The following ZNF385D variants were observed in gnomAD, a reference collection of about 807,000 sequenced individuals.
ZNF385D encodes the protein zinc finger protein 385D.
Under a neutral mutation model 35.8 loss-of-function variants are expected in ZNF385D, and 15 were observed. The ratio of observed to expected loss-of-function variants is 0.42; its 90% CI spans 0.28 to 0.64. The LOEUF (loss-of-function observed/expected upper bound fraction) is 0.64, where lower values mean the gene tolerates loss of function less well. Ranked by LOEUF, ZNF385D falls within the 30% of genes least tolerant of loss-of-function variation. The pLI is 0.23. For synonymous variants in ZNF385D, 212 were observed against 186.8 expected (o/e 1.13, Z -1.10); for missense variants, 474 against 494.6 (o/e 0.96, Z 0.39).
At chr3:21,945,677 T>A (rs941966451) in intron 3 of ZNF385D, among the ~76,000 whole-genome samples, 2 of 152,232 alleles carry the variant, frequency 1.3e-5, no homozygotes, top group Non-Finnish European at 1.5e-5. Context: ...TCTGGCTCAG[T>A]GATCCTCTGC....
intron 2 of ZNF385D, among the ~76,000 whole-genome samples, chr3:22,193,177 T>C (rs1001348182): frequency 2.6e-5 from 4 of 152,180 alleles, no homozygotes; most frequent in African/African-American, 7.2e-5. Flanking sequence ...CTCAACCACA[T>C]TGAGGAAGTA....
intron 2 of ZNF385D, among the ~76,000 whole-genome samples, chr3:22,202,912 T>G (rs574865471): frequency 6.6e-6 from 1 of 152,120 alleles, no homozygotes. Context: ...GACTTGCCAC[T>G]GTGGGCTAAA....
chr3:21,499,117 C>A (rs1220244060), intron 4 of ZNF385D, among the ~76,000 whole-genome samples: 2 of 151,952 alleles, frequency 1.3e-5, no homozygotes, highest in Admixed American at 6.6e-5. Flanking sequence ...ACCCAGCAAC[C>A]CCTTTTTTGA....
intron 3 of ZNF385D, among the ~76,000 whole-genome samples, chr3:21,911,805 C>G (rs547991003): frequency 4.0e-5 from 6 of 151,754 alleles, no homozygotes; most frequent in Non-Finnish European, 8.8e-5. Flanking sequence ...CTTGAAAAAT[C>G]GTCCCAAGAT....
chr3:21,563,450 G>A (rs2063026603), intron 3 of ZNF385D: 1 of 152,146 alleles, frequency 6.6e-6, no homozygotes, highest in African/African-American at 2.4e-5. Context: ...AAAATTACCT[G>A]ATGATTGCAT....
intron 3 of ZNF385D, among the ~76,000 whole-genome samples, chr3:21,942,138 A>G (rs1374977610): frequency 6.6e-6 from 1 of 152,214 alleles, no homozygotes; most frequent in Non-Finnish European, 1.5e-5. Context: ...AGTAACTGAT[A>G]AGTTGTCAAA....
At chr3:21,681,825 G>A (rs2066921079) in intron 1 of ZNF385D, among the ~76,000 whole-genome samples, 1 of 64,946 alleles carries the variant, frequency 1.5e-5, no homozygotes, top group South Asian at 4.4e-4. Flanking sequence ...ATGAGGGAAA[G>A]AGAGGCAAAG....
chr3:21,429,059 C>T (rs942980972), intron 5 of ZNF385D, among the ~76,000 whole-genome samples: 4 of 150,924 alleles, frequency 2.7e-5, no homozygotes, highest in Non-Finnish European at 3.0e-5. Flanking sequence ...TCCCATCATT[C>T]TTACAATTCC....
intron 1 of ZNF385D, among the ~76,000 whole-genome samples, chr3:21,742,923 A>G (rs1575574167): frequency 6.6e-6 from 1 of 152,244 alleles, no homozygotes; most frequent in African/African-American, 2.4e-5. Flanking sequence ...TTTGTATATG[A>G]GTTGGAGAAA....
chr3:21,652,358 T>C (rs2065941957), intron 2 of ZNF385D, among the ~76,000 whole-genome samples: 1 of 152,208 alleles, frequency 6.6e-6, no homozygotes, highest in Non-Finnish European at 1.5e-5. Context: ...TCTCATGTCA[T>C]GTCAGATAAT....
intron 4 of ZNF385D, among the ~76,000 whole-genome samples, chr3:21,494,922 A>G (rs989497710): frequency 6.6e-6 from 1 of 152,134 alleles, no homozygotes; most frequent in Non-Finnish European, 1.5e-5. Context: ...GTCCCCGTCT[A>G]CCTCCTTTAT....
chr3:21,629,660 C>A (rs1176224068), intron 2 of ZNF385D, among the ~76,000 whole-genome samples: 4 of 152,202 alleles, frequency 2.6e-5, no homozygotes, highest in Middle Eastern at 3.4e-3. Context: ...TCAAATTCCA[C>A]CAAAAGATGG....
intron 2 of ZNF385D, among the ~76,000 whole-genome samples, chr3:22,306,557 T>C (rs1703231444): frequency 6.6e-6 from 1 of 152,050 alleles, no homozygotes; most frequent in Non-Finnish European, 1.5e-5. Context: ...CACTGCCGTC[T>C]ATGCAGTGGG....
At chr3:22,138,217 A>G (rs1704272940) in intron 3 of ZNF385D, among the ~76,000 whole-genome samples, 3 of 152,188 alleles carry the variant, frequency 2.0e-5, no homozygotes, top group Admixed American at 2.0e-4. Context: ...GGAAGAATCA[A>G]TATCATGAAA....
chr3:21,740,997 T>A (rs1031117868), intron 1 of ZNF385D, among the ~76,000 whole-genome samples: 2 of 152,192 alleles, frequency 1.3e-5, no homozygotes, highest in African/African-American at 4.8e-5. Context: ...GATCCACTGA[T>A]GTTCCCCTTA....
intron 3 of ZNF385D, among the ~76,000 whole-genome samples, chr3:22,153,786 A>G (rs75169198): frequency 0.01 from 1,541 of 152,022 alleles, 21 homozygotes; most frequent in African/African-American, 0.035. Flanking sequence ...TGCATTTTTC[A>G]TTTTGTAGTG....
intron 3 of ZNF385D, among the ~76,000 whole-genome samples, chr3:21,971,287 A>T (rs2125341268): frequency 6.6e-6 from 1 of 152,222 alleles, no homozygotes; most frequent in Non-Finnish European, 1.5e-5. Flanking sequence ...CATAATAAAT[A>T]AATGGAAAAA....
intron 1 of ZNF385D, among the ~76,000 whole-genome samples, chr3:21,692,152 C>A (rs1422357915): frequency 2.0e-5 from 3 of 152,090 alleles, no homozygotes; most frequent in African/African-American, 7.2e-5. Context: ...TGGGTTGTTT[C>A]CTCTCACAAC....
chr3:21,628,345 G>A (rs1041976019), intron 2 of ZNF385D, among the ~76,000 whole-genome samples: 1 of 152,074 alleles, frequency 6.6e-6, no homozygotes, highest in Non-Finnish European at 1.5e-5. Context: ...TGTGGTTCTA[G>A]GGAGAAAACA....
Sources: allele counts gnomAD v4.1 joint callset (sites outside exome capture counted in the v4.1 genomes callset), GRCh38; gene constraint gnomAD v4.1.1; transcripts MANE v1.5; gene names NCBI Gene and HGNC (gene_info 2026-07-23, HGNC 2026-07-21).